Variants in MTDH observed in about 807,000 individuals in gnomAD.
MTDH encodes the protein protein LYRIC.
MTDH carries 34 observed loss-of-function variants against 72.7 expected under a neutral mutation model. The observed-to-expected ratio is 0.47, with a 90% CI of 0.36 to 0.62. The LOEUF is 0.62. MTDH is among the 20% of genes least tolerant of loss of function. The pLI is 0.00. For synonymous variants in MTDH, 266 were observed against 268.9 expected (o/e 0.99, Z 0.10); for missense variants, 677 against 699.4 (o/e 0.97, Z 0.36).
chr8:97,650,764 C>T (rs1483539325), intron 1 of MTDH, among the ~76,000 whole-genome samples: 1 of 150,976 alleles, frequency 6.6e-6, no homozygotes, highest in African/African-American at 2.4e-5. Context: ...TGGGGTCTCA[C>T]TGTCACCCAC....
chr8:97,711,168 T>C (rs1187725435), intron 8 of MTDH, among the ~76,000 whole-genome samples: 2 of 151,886 alleles, frequency 1.3e-5, no homozygotes, highest in East Asian at 3.9e-4. Flanking sequence ...TTAAACCTTT[T>C]ATTTTGAGAT....
intron 2 of MTDH, among the ~76,000 whole-genome samples, chr8:97,676,827 C>T (rs1289966273): frequency 6.6e-6 from 1 of 151,520 alleles, no homozygotes. Context: ...CATGGTGAAA[C>T]CCCCTCTCTA....
In MTDH at chr8:97,644,560, G is replaced by A. The variant is rs118122079; in HGVS notation, c.54G>A (p.Ser18=). 2.9e-4 allele frequency: 470 copies of A among 1,603,542 alleles called. 1 individual carries two copies. The East Asian group carries it at 9.0e-3, about 31-fold the overall frequency. ...DELAQQAEEG[S]ARLREMLSVG... ...TGGCCCAGCAGGCCGAGGAGGGCTC[G>A]GCCCGGCTGCGGGAAATGCTCTCGG... The change falls in exon 1 of 12, where the codon TCG becomes TCA. Residue 18 remains serine (S), a synonymous_variant. Coordinates refer to ENST00000336273, the MANE Select transcript of MTDH (RefSeq NM_178812.4).
At chr8:97,660,317 G>A (rs914986000) in intron 1 of MTDH, among the ~76,000 whole-genome samples, 4 of 152,148 alleles carry the variant, frequency 2.6e-5, no homozygotes, top group East Asian at 1.9e-4. Flanking sequence ...GCAATGGGTC[G>A]GAAAGCTTCT....
intron 2 of MTDH, among the ~76,000 whole-genome samples, chr8:97,663,379 A>ATGT (rs776115139): frequency 1.3e-5 from 2 of 152,170 alleles, no homozygotes; most frequent in South Asian, 4.1e-4. Context: ...AAGGTGAGGT[A>ATGT]TGTTTGTATG....
chr8:97,719,290 C>G, intron 10 of MTDH, 101 bp downstream of exon 10: 1 of 1,212,448 alleles, frequency 8.2e-7, no homozygotes, highest in Non-Finnish European at 1.2e-6. Flanking sequence ...GTCAGGAGTT[C>G]AAGAGCAGCC....
At chr8:97,708,490 C>T (rs1487850577) in intron 8 of MTDH, among the ~76,000 whole-genome samples, 1 of 131,412 alleles carries the variant, frequency 7.6e-6, no homozygotes, top group East Asian at 2.2e-4. Flanking sequence ...CCATGTTAGC[C>T]AGGCTGGTCT....
At chr8:97,715,900 T>C (rs2131072922) in intron 9 of MTDH, among the ~76,000 whole-genome samples, 1 of 152,370 alleles carries the variant, frequency 6.6e-6, no homozygotes, top group South Asian at 2.1e-4. Context: ...TGATTATCCT[T>C]TTAAAAATGT....
At position 97,713,805 on chromosome 8, in the gene MTDH, C is replaced by A. The variant is rs377287427; in HGVS notation, c.1380+36C>A. 74 of 1,266,348 alleles carry A rather than the reference C, an allele frequency of 5.8e-5. No homozygotes were observed. The East Asian group carries it at 6.7e-4, about 11-fold the overall frequency. 78.4% of individuals were successfully genotyped at this position (1,266,348 alleles called of 1,614,324 possible). A position where few individuals can be genotyped will look rare whatever the true frequency, so the allele number is the denominator to read the frequency against. On this transcript the variant is annotated intron_variant, in intron 9 of 11. Coordinates refer to ENST00000336273, the MANE Select transcript of MTDH (RefSeq NM_178812.4). ...AGAACAACAAGCATTCATTAAGCGCCTCCGGCTTAAAATGTGAAAAGATTA... is the reference window on the plus strand; with the variant it reads ...AGAACAACAAGCATTCATTAAGCGCATCCGGCTTAAAATGTGAAAAGATTA...
intron 1 of MTDH, among the ~76,000 whole-genome samples, chr8:97,651,815 A>G (rs2130913829): frequency 6.6e-6 from 1 of 152,240 alleles, no homozygotes; most frequent in East Asian, 1.9e-4. Flanking sequence ...AAATTATCTC[A>G]AACTTTTAAC....
intron 9 of MTDH, 41 bp downstream of exon 9, chr8:97,713,810 G>T (rs1215990332): frequency 6.7e-6 from 8 of 1,194,882 alleles, no homozygotes; most frequent in Non-Finnish European, 9.3e-6. Flanking sequence ...AGCGCCTCCG[G>T]CTTAAAATGT....
intron 1 of MTDH, among the ~76,000 whole-genome samples, chr8:97,658,582 A>G (rs1586207832): frequency 6.6e-6 from 1 of 152,234 alleles, no homozygotes; most frequent in African/African-American, 2.4e-5. Context: ...ACTCAGTGTC[A>G]TGTAAATGAG....
chr8:97,688,752 A>G (rs549423370), intron 4 of MTDH, among the ~76,000 whole-genome samples: 1 of 152,318 alleles, frequency 6.6e-6, no homozygotes, highest in East Asian at 1.9e-4. Flanking sequence ...ACTTAAAATA[A>G]TCTTGATAAC....
intron 2 of MTDH, among the ~76,000 whole-genome samples, chr8:97,684,508 A>G (rs1586242587): frequency 6.6e-6 from 1 of 152,214 alleles, no homozygotes; most frequent in East Asian, 1.9e-4. Flanking sequence ...TATAAATTGT[A>G]TGTGGCTGCT....
chr8:97,697,190 C>T (rs1225704705), intron 6 of MTDH, among the ~76,000 whole-genome samples: 3 of 129,476 alleles, frequency 2.3e-5, no homozygotes, highest in Admixed American at 8.2e-5. Flanking sequence ...TTTGTAGTTC[C>T]GCAGCGTCTG....
Position 97,661,096 on chromosome 8 carries a change from G to T in MTDH, c.406G>T (p.Ala136Ser). ...PKPNGRTVEV[A>S]EGEAVRTPQS... ...GCCAAATGGGCGGACTGTTGAAGTG[G>T]CTGAGGGTGAAGCTGTTCGAACACC... Residue 136 changes from alanine to serine, a missense_variant, in exon 2 of 12, where the codon GCT becomes TCT. Ala to Ser is a moderately conservative substitution (Grantham distance 99). Around this residue, in one of 3 missense-constraint regions of MTDH, gnomAD observed 467 missense variants for 469.1 expected, o/e 1.00. Transcript: ENST00000336273. The T allele has an allele frequency of 6.2e-7, 1 of 1,613,246 alleles. No homozygotes were observed.
At chr8:97,703,239 G>T (rs996178304) in intron 7 of MTDH, among the ~76,000 whole-genome samples, 1 of 152,144 alleles carries the variant, frequency 6.6e-6, no homozygotes, top group African/African-American at 2.4e-5. Context: ...CATGCCTGTA[G>T]TCCCAGCTAC....
chr8:97,651,215 G>C (rs1173589570), intron 1 of MTDH, among the ~76,000 whole-genome samples: 1 of 152,168 alleles, frequency 6.6e-6, no homozygotes, highest in African/African-American at 2.4e-5. Flanking sequence ...ACATGGTCTT[G>C]TTTTATGAGT....
chr8:97,654,118 T>C (rs923514384), intron 1 of MTDH, among the ~76,000 whole-genome samples: 5 of 152,226 alleles, frequency 3.3e-5, no homozygotes, highest in Non-Finnish European at 7.3e-5. Context: ...TTTGGCTGTT[T>C]AGAAAGCACA....
Sources: allele counts gnomAD v4.1 joint callset (sites outside exome capture counted in the v4.1 genomes callset), GRCh38; gene constraint gnomAD v4.1.1; regional missense constraint gnomAD v4.1.1; transcripts MANE v1.5; gene names NCBI Gene and HGNC (gene_info 2026-07-23, HGNC 2026-07-21).